The following FCHO2 variants were observed in gnomAD, a reference collection of about 807,000 sequenced individuals.
The protein encoded by FCHO2 is FCH and mu domain containing endocytic adaptor 2, also known as F-BAR domain only protein 2.
Under a neutral mutation model 114.1 loss-of-function variants are expected in FCHO2, and 43 were observed. The observed-to-expected ratio is 0.38, with a 90% CI of 0.30 to 0.49. The LOEUF is 0.49. FCHO2 is among the 20% of genes least tolerant of loss of function. FCHO2 has a pLI of 0.97. For missense variants in FCHO2, 807 were observed against 950.4 expected (o/e 0.85, Z 1.98); for synonymous variants, 293 against 315.2 (o/e 0.93, Z 0.75).
chr5:73,070,195 G>C (rs538081223), intron 19 of FCHO2, among the ~76,000 whole-genome samples: 2 of 152,168 alleles, frequency 1.3e-5, no homozygotes, highest in East Asian at 3.9e-4. Context: ...CCCTAATTAA[G>C]CTGATTTAAT....
At chr5:73,057,507 G>T (rs1757651928) in intron 16 of FCHO2, among the ~76,000 whole-genome samples, 3 of 151,974 alleles carry the variant, frequency 2.0e-5, no homozygotes, top group Admixed American at 2.0e-4. Flanking sequence ...TAGAGGGCCT[G>T]TTTTTTTGTG....
chr5:73,013,834 C>T (rs530973243), intron 6 of FCHO2, among the ~76,000 whole-genome samples: 15 of 152,138 alleles, frequency 9.9e-5, no homozygotes, highest in South Asian at 2.1e-4. Flanking sequence ...TACAGGCATG[C>T]GCCACCATGC....
intron 5 of FCHO2, among the ~76,000 whole-genome samples, chr5:72,995,189 A>G (rs1754022530): frequency 6.6e-6 from 1 of 152,186 alleles, no homozygotes; most frequent in African/African-American, 2.4e-5. Context: ...ATCATAATAC[A>G]TATAAATGTC....
intron 5 of FCHO2, among the ~76,000 whole-genome samples, chr5:73,005,443 G>A (rs1464512778): frequency 6.6e-6 from 1 of 152,044 alleles, no homozygotes; most frequent in Non-Finnish European, 1.5e-5. Flanking sequence ...TTCTCCTTAA[G>A]CTCCCAACCT....
intron 1 of FCHO2, among the ~76,000 whole-genome samples, chr5:72,961,841 T>G (rs892486922): frequency 2.6e-5 from 4 of 152,188 alleles, no homozygotes; most frequent in African/African-American, 9.7e-5. Context: ...TCCGCCTGCC[T>G]CGGCCTCCCA....
intron 2 of FCHO2, among the ~76,000 whole-genome samples, chr5:72,970,351 C>A (rs1040901437): frequency 5.9e-5 from 9 of 152,174 alleles, no homozygotes; most frequent in Admixed American, 1.3e-4. Flanking sequence ...ACATGAATTA[C>A]AGGCTGCTCC....
chr5:72,973,055 C>T (rs556843932), intron 2 of FCHO2, among the ~76,000 whole-genome samples: 2 of 152,298 alleles, frequency 1.3e-5, no homozygotes, highest in South Asian at 2.1e-4. Flanking sequence ...ATGAAGCCCA[C>T]TTGATCATGG....
In FCHO2 at chr5:73,054,487, A is replaced by G. The variant is rs1199320626; in HGVS notation, c.1186-38A>G. ...TACCAAATATTTAATTATCAAATTC[A>G]TTTGTTTTATGGTACCTATTTTGCA... On this transcript the variant is annotated intron_variant, in intron 14 of 25. Transcript: ENST00000430046. 6.6e-6 allele frequency: 10 copies of G among 1,511,638 alleles called. No individual in the cohort carries two copies. In the East Asian group the frequency reaches 2.5e-4, roughly 38 times the overall value. 93.6% of individuals were successfully genotyped at this position (1,511,638 alleles called of 1,614,324 possible). A position where few individuals can be genotyped will look rare whatever the true frequency, so the allele number is the denominator to read the frequency against.
At chr5:72,961,100 A>G (rs937050745) in intron 1 of FCHO2, among the ~76,000 whole-genome samples, 3 of 152,158 alleles carry the variant, frequency 2.0e-5, no homozygotes, top group African/African-American at 7.2e-5. Context: ...AAATTGAAAC[A>G]TTGGTTATAT....
chr5:73,037,072 A>G lies in FCHO2; in HGVS notation c.842-71A>G, dbSNP rs925928965. 1.5e-5 allele frequency: 15 copies of G among 1,029,284 alleles called. No homozygotes were observed. The African/African-American group carries it at 2.5e-4, about 17-fold the overall frequency. 63.8% of individuals were successfully genotyped at this position (1,029,284 alleles called of 1,614,324 possible). ...AGCAAATTATGTGTGAGGATGCAAG[A>G]TGTATCCATAAGTTTAATATGTTTA... On this transcript the variant is annotated intron_variant, in intron 9 of 25. Transcript: ENST00000430046.
chr5:73,021,531 C>T (rs1447883929), intron 8 of FCHO2, among the ~76,000 whole-genome samples: 1 of 152,082 alleles, frequency 6.6e-6, no homozygotes. Flanking sequence ...CACTACTTTC[C>T]TACACCACAT....
intron 1 of FCHO2, among the ~76,000 whole-genome samples, chr5:72,959,904 C>T (rs999983712): frequency 1.3e-5 from 2 of 152,118 alleles, no homozygotes; most frequent in East Asian, 1.9e-4. Context: ...CTCAGCCTTC[C>T]AAGTAGGTGC....
intron 8 of FCHO2, among the ~76,000 whole-genome samples, chr5:73,026,448 C>T (rs557890308): frequency 2.6e-5 from 4 of 151,110 alleles, no homozygotes; most frequent in South Asian, 2.1e-4. Context: ...CCAGCCTGGA[C>T]GACAAGAGCA....
intron 13 of FCHO2, among the ~76,000 whole-genome samples, chr5:73,053,669 C>T (rs1757438875): frequency 6.7e-6 from 1 of 149,532 alleles, no homozygotes; most frequent in African/African-American, 2.5e-5. Context: ...GCACTCCAGC[C>T]TGGGTGACAG....
chr5:73,003,219 GC>G (rs1307388024), intron 5 of FCHO2, among the ~76,000 whole-genome samples: 1 of 151,964 alleles, frequency 6.6e-6, no homozygotes, highest in African/African-American at 2.4e-5. Context: ...TTGCTATGTT[GC>G]CCAGGCAGGT....
intron 8 of FCHO2, among the ~76,000 whole-genome samples, chr5:73,026,356 G>C (rs2112773382): frequency 6.6e-6 from 1 of 152,088 alleles, no homozygotes; most frequent in South Asian, 2.1e-4. Context: ...TGTAATCCCA[G>C]CTACTTGGGA....
At chr5:72,969,377 G>A (rs1364550935) in intron 2 of FCHO2, among the ~76,000 whole-genome samples, 1 of 152,188 alleles carries the variant, frequency 6.6e-6, no homozygotes, top group African/African-American at 2.4e-5. Flanking sequence ...CAGACTGATA[G>A]GAATTGGGGA....
chr5:73,032,092 A>AG (rs1015522422), intron 8 of FCHO2, among the ~76,000 whole-genome samples: 19 of 152,276 alleles, frequency 1.2e-4, no homozygotes, highest in South Asian at 2.1e-4. Context: ...GACATGCTAC[A>AG]GGGGGGGTCA....
At chr5:73,068,935 TG>T (rs1230016381) in intron 19 of FCHO2, among the ~76,000 whole-genome samples, 156 bp downstream of exon 19, 1 of 152,152 alleles carries the variant, frequency 6.6e-6, no homozygotes. Context: ...GTCCATGCTT[TG>T]CTTTTCTGTT....
Sources: allele counts gnomAD v4.1 joint callset (sites outside exome capture counted in the v4.1 genomes callset), GRCh38; gene constraint gnomAD v4.1.1; transcripts MANE v1.5; gene names NCBI Gene and HGNC (gene_info 2026-07-23, HGNC 2026-07-21).